Variants in CD48 observed in about 807,000 individuals in gnomAD.
CD48 encodes CD48 molecule.
CD48 carries 20 observed loss-of-function variants against 22.0 expected under a neutral mutation model. The ratio of observed to expected loss-of-function variants is 0.91; its 90% CI spans 0.64 to 1.32. CD48 has a LOEUF of 1.32. Among genes scored for constraint, CD48 ranks in the 40% most tolerant of loss-of-function variants. The pLI is 0.00. For synonymous variants in CD48, 110 were observed against 110.1 expected, an observed-to-expected ratio of 1.00 and a Z score of 0.01; for missense variants, 307 against 286.5, an observed-to-expected ratio of 1.07 and a Z score of -0.52.
intron 2 of CD48, 70 bp from the exon 3 acceptor site, chr1:160,681,538 G>A: frequency 6.4e-7 from 1 of 1,559,990 alleles, no homozygotes; most frequent in Non-Finnish European, 8.7e-7. Context: ...AGCCAACAAA[G>A]AACAAAGGGA....
chr1:160,680,640 G>T (rs1661757994), intron 3 of CD48: 1 of 1,008,798 alleles, frequency 9.9e-7, no homozygotes, highest in African/African-American at 1.7e-5. Flanking sequence ...GGGGAATCTG[G>T]CTTCCTAAGT....
chr1:160,683,621 T>C (rs1356903437), intron 2 of CD48: 6 of 151,774 alleles, frequency 4.0e-5, no homozygotes, highest in Non-Finnish European at 4.4e-5. Flanking sequence ...TTTCAGCCCA[T>C]ATGACATGGA....
intron 1 of CD48, chr1:160,691,985 C>T (rs893228411): frequency 4.6e-6 from 1 of 215,112 alleles, no homozygotes; most frequent in Non-Finnish European, 9.1e-6. Context: ...AGAGTATCCA[C>T]CAAAAATCTA....
intron 1 of CD48, among the ~76,000 whole-genome samples, chr1:160,686,901 C>A (rs1323960506): frequency 6.6e-6 from 1 of 152,108 alleles, no homozygotes; most frequent in Non-Finnish European, 1.5e-5. Context: ...AAGTTTCGGG[C>A]ACCATTGTCA....
In CD48 at chr1:160,681,261, A is replaced by T; in HGVS notation, c.593T>A (p.Val198Asp). ...HNYSRCYTCQ[V>D]SNSVSSKNGT... is the part of the protein sequence containing the mutation. ...ATTCTTGCTGCTCACAGAATTGCTG[A>T]CTTGGCAAGTATAACACCTGGAGTA... is the stretch of plus-strand genomic sequence containing the variant. The change falls in exon 3 of 4, where the codon GTC (valine) becomes GAC (aspartate). Residue 198 changes from valine to aspartate, a missense_variant. Val to Asp is a radical substitution (Grantham distance 152, BLOSUM62 -3). Coordinates refer to ENST00000368046, the MANE Select transcript of CD48 (RefSeq NM_001778.4). 1.9e-6 allele frequency: 3 copies of T among 1,614,198 alleles called. No individual in the cohort carries two copies. Among genetic ancestry groups the T allele is most frequent in the Non-Finnish European group, 2.5e-6 (3 of 1,180,028 alleles).
chr1:160,707,812 C>A (rs1376871364), intron 1 of CD48, among the ~76,000 whole-genome samples: 2 of 152,132 alleles, frequency 1.3e-5, no homozygotes, highest in Non-Finnish European at 2.9e-5. Context: ...CTTTCCTTTG[C>A]TCCCTCCCTC....
At chr1:160,702,708 T>A (rs1323637021) in intron 1 of CD48, among the ~76,000 whole-genome samples, 2 of 152,062 alleles carry the variant, frequency 1.3e-5, no homozygotes, top group South Asian at 2.1e-4. Context: ...TGGGACCAGT[T>A]TGGTTGGTGT....
intron 1 of CD48, among the ~76,000 whole-genome samples, chr1:160,704,213 C>T (rs563077155): frequency 3.9e-4 from 59 of 152,268 alleles, no homozygotes; most frequent in Non-Finnish European, 7.9e-4. Flanking sequence ...CCTGGAGGAG[C>T]CCTAGCAGTA....
intron 3 of CD48, among the ~76,000 whole-genome samples, chr1:160,679,773 A>T (rs1661729780): frequency 6.6e-6 from 1 of 152,170 alleles, no homozygotes; most frequent in Admixed American, 6.5e-5. Flanking sequence ...TGGATTTATT[A>T]TTGCTTTTAT....
Position 160,692,788 on chromosome 1 carries a change from C to T in CD48, c.83-7599G>A, listed in dbSNP as rs564277274. Among the ~76,000 whole-genome samples the T allele has an allele frequency of 7.2e-5, 11 of 152,310 alleles. No individual in the cohort carries two copies. The Middle Eastern group carries it at 0.014, about 188-fold the overall frequency. ...AAGGAGCCCAAGAGGGAGAGCCTCT[C>T]ACAGTTGAGGCCAGATACAAGTCTT... On this transcript the variant is annotated intron_variant, in intron 1 of 3. Transcript: ENST00000368046.
intron 1 of CD48, among the ~76,000 whole-genome samples, chr1:160,697,453 T>C (rs1192138257): frequency 1.3e-5 from 2 of 152,300 alleles, no homozygotes; most frequent in African/African-American, 4.8e-5. Flanking sequence ...TGATGATAAA[T>C]ATTTCCATTG....
Position 160,685,206 on chromosome 1 carries a change from G to A in CD48, c.83-17C>T, listed in dbSNP as rs541626951. The A allele has an allele frequency of 3.0e-4, 484 of 1,590,348 alleles. 2 individuals carry two copies. In the South Asian group the frequency reaches 5.1e-3, roughly 17 times the overall value. On this transcript the variant is annotated splice_polypyrimidine_tract_variant and intron_variant, in intron 1 of 3. Coordinates refer to ENST00000368046, the MANE Select transcript of CD48 (RefSeq NM_001778.4). Reference sequence around the variant, plus strand: ...CCAAGTGACCTGCCAATGAGATTCAGAGTGAGACCTGCGCTAGAGGAGGCA... The same window carrying A: ...CCAAGTGACCTGCCAATGAGATTCAAAGTGAGACCTGCGCTAGAGGAGGCA...
At chr1:160,700,619 G>C (rs1662597519) in intron 1 of CD48, among the ~76,000 whole-genome samples, 1 of 152,144 alleles carries the variant, frequency 6.6e-6, no homozygotes, top group Non-Finnish European at 1.5e-5. Context: ...ACAAATTCCA[G>C]TTCTATTAAA....
At chr1:160,708,725 T>C (rs1662863602) in intron 1 of CD48, among the ~76,000 whole-genome samples, 2 of 152,118 alleles carry the variant, frequency 1.3e-5, no homozygotes, top group South Asian at 4.2e-4. Context: ...GAAGAAGGAT[T>C]GTAGTATTTT....
rs748153951 is a variant in CD48 at position 160,681,060 on chromosome 1, C to A, written c.652+142G>T. 4.6e-6 allele frequency: 7 copies of A among 1,513,742 alleles called. No homozygotes were observed. The Admixed American group carries it at 1.0e-4, about 22-fold the overall frequency. The allele number at this position is 1,513,742 out of a possible 1,614,324, so 93.8% of individuals were successfully genotyped here. A position where few individuals can be genotyped will look rare whatever the true frequency, so the allele number is the denominator to read the frequency against. On this transcript the variant is annotated intron_variant, in intron 3 of 3. Transcript: ENST00000368046. ...GTGGTGGTAGAGCTGGTGGCAGAAC[C>A]CACGTCTCCCAGCTCTCCCAGACAC...
intron 1 of CD48, among the ~76,000 whole-genome samples, chr1:160,707,789 T>G (rs1662834808): frequency 6.6e-6 from 1 of 152,092 alleles, no homozygotes; most frequent in African/African-American, 2.4e-5. Flanking sequence ...GACTCAAAAT[T>G]TATTCCTTCC....
At chr1:160,694,185 G>C (rs1662325959) in intron 1 of CD48, among the ~76,000 whole-genome samples, 1 of 152,236 alleles carries the variant, frequency 6.6e-6, no homozygotes, top group Non-Finnish European at 1.5e-5. Flanking sequence ...CCAGGAGACA[G>C]GATTGCTCGA....
At chr1:160,710,196 T>C (rs1662907647) in intron 1 of CD48, among the ~76,000 whole-genome samples, 1 of 152,196 alleles carries the variant, frequency 6.6e-6, no homozygotes, top group Non-Finnish European at 1.5e-5. Context: ...ATAGAATGGT[T>C]TGGAAGTTAG....
chr1:160,690,276 C>T (rs1374831159), intron 1 of CD48, among the ~76,000 whole-genome samples: 2 of 152,188 alleles, frequency 1.3e-5, no homozygotes, highest in African/African-American at 2.4e-5. Context: ...CGTGCCTTCC[C>T]CTGTTTGTCA....
Sources: allele counts gnomAD v4.1 joint callset (sites outside exome capture counted in the v4.1 genomes callset), GRCh38; gene constraint gnomAD v4.1.1; transcripts MANE v1.5; gene names NCBI Gene and HGNC (gene_info 2026-07-23, HGNC 2026-07-21).